Variants in SLA observed in about 807,000 individuals in gnomAD.
SLA encodes src-like-adapter.
Under a neutral mutation model 30.3 loss-of-function variants are expected in SLA, and 16 were observed. The ratio of observed to expected loss-of-function variants is 0.53; its 90% CI spans 0.36 to 0.80. The LOEUF is 0.80. Ranked by LOEUF, SLA falls within the 30% of genes least tolerant of loss-of-function variation. SLA has a pLI of 0.01. For missense variants in SLA, 310 were observed against 345.2 expected (o/e 0.90, Z 0.81); for synonymous variants, 143 against 137.8 (o/e 1.04, Z -0.26).
In SLA at chr8:133,057,781, A is replaced by C. The variant is rs10087332; in HGVS notation, c.61+2319T>G. 7.6e-3 allele frequency among the ~76,000 whole-genome samples: 1,161 copies of C among 152,004 alleles called. 19 individuals are homozygous for C. The highest frequency in any genetic ancestry group is 0.024 in the African/African-American group (985 of 41,440). ...GTTTAGCAAAACAAAAAACAAAAAA[A>C]AAAAAACAAAAAAACAGATGGGTAA... On this transcript the variant is annotated intron_variant, in intron 3 of 8. Coordinates refer to ENST00000338087, the MANE Select transcript of SLA (RefSeq NM_001045556.3).
chr8:133,092,807 T>C (rs748088044), intron 1 of SLA, among the ~76,000 whole-genome samples: 14 of 152,180 alleles, frequency 9.2e-5, no homozygotes, highest in Non-Finnish European at 2.1e-4. Flanking sequence ...GAGTCAACCG[T>C]TGGCTTGCGT....
intron 5 of SLA, chr8:133,049,309 T>A (rs1840002905): frequency 2.7e-6 from 1 of 377,352 alleles, no homozygotes; most frequent in African/African-American, 2.1e-5. Context: ...GGATTCTGTG[T>A]GTTTCTGGAT....
At chr8:133,091,987 C>T (rs1033343960) in intron 1 of SLA, among the ~76,000 whole-genome samples, 1 of 152,040 alleles carries the variant, frequency 6.6e-6, no homozygotes, top group Non-Finnish European at 1.5e-5. Flanking sequence ...ATGTCTCTGT[C>T]AGTGTCTGTG....
intron 2 of SLA, among the ~76,000 whole-genome samples, chr8:133,065,895 C>T (rs1458393743): frequency 2.6e-5 from 4 of 152,138 alleles, no homozygotes. Flanking sequence ...TCTTGGATGT[C>T]ACTTGGCAGT....
At chr8:133,057,405 A>G (rs553458544) in intron 3 of SLA, among the ~76,000 whole-genome samples, 5 of 152,390 alleles carry the variant, frequency 3.3e-5, no homozygotes, top group South Asian at 4.1e-4. Context: ...AAAGCAAATT[A>G]CAGAACTACC....
intron 5 of SLA, chr8:133,048,502 T>A (rs910077862): frequency 1.3e-5 from 2 of 155,688 alleles, no homozygotes; most frequent in South Asian, 1.9e-4. Context: ...ATTACAGGCG[T>A]GAGCTACCGT....
At chr8:133,070,550 C>T (rs952265231) in intron 2 of SLA, among the ~76,000 whole-genome samples, 1 of 152,176 alleles carries the variant, frequency 6.6e-6, no homozygotes, top group Non-Finnish European at 1.5e-5. Context: ...ACAGCTAGCT[C>T]AGGGCTGGGG....
intron 1 of SLA, among the ~76,000 whole-genome samples, chr8:133,094,182 A>C (rs1365829148): frequency 6.6e-6 from 1 of 151,932 alleles, no homozygotes; most frequent in Non-Finnish European, 1.5e-5. Context: ...GGCAGAGATG[A>C]ACTTCCTGGA....
In SLA at chr8:133,069,603, C is replaced by T. The variant is rs1416540908; in HGVS notation, c.-41+5250G>A. On this transcript the variant is annotated intron_variant, in intron 2 of 8. Transcript: ENST00000338087. ...GACTGAGTGGTGAGTGACCGTCTCC[C>T]CTACTGGACTATAAGTGCCTTGAGA... is the stretch of plus-strand genomic sequence containing the variant. Among the ~76,000 whole-genome samples, 5 of 152,268 alleles carry T rather than the reference C, an allele frequency of 3.3e-5. 1 individual carries two copies. In the East Asian group the frequency reaches 7.7e-4, roughly 23 times the overall value.
chr8:133,042,881 A>G (rs1053157616), intron 7 of SLA, among the ~76,000 whole-genome samples: 1 of 151,610 alleles, frequency 6.6e-6, no homozygotes, highest in Non-Finnish European at 1.5e-5. Context: ...TTTAGTGCAG[A>G]CAGGGTTTCA....
intron 1 of SLA, among the ~76,000 whole-genome samples, chr8:133,099,363 G>A (rs765107085): frequency 6.6e-6 from 1 of 152,192 alleles, no homozygotes; most frequent in Non-Finnish European, 1.5e-5. Context: ...ATCCTGCCAA[G>A]AACTCATCTA....
intron 1 of SLA, among the ~76,000 whole-genome samples, chr8:133,093,198 T>C (rs933090746): frequency 2.0e-5 from 3 of 151,706 alleles, no homozygotes; most frequent in African/African-American, 7.3e-5. Context: ...GCCCTGCTCA[T>C]TGTTGGAAAA....
At chr8:133,043,156 G>C (rs1838634550) in intron 7 of SLA, among the ~76,000 whole-genome samples, 1 of 152,132 alleles carries the variant, frequency 6.6e-6, no homozygotes, top group African/African-American at 2.4e-5. Flanking sequence ...CGATGACCAG[G>C]AACATACTGC....
At chr8:133,051,756 AG>A (rs1307318434) in intron 3 of SLA, among the ~76,000 whole-genome samples, 5 of 152,232 alleles carry the variant, frequency 3.3e-5, no homozygotes, top group Non-Finnish European at 7.3e-5. Flanking sequence ...CATTAGATGC[AG>A]GGTAATATTT....
intron 1 of SLA, among the ~76,000 whole-genome samples, chr8:133,082,519 C>A (rs984020567): frequency 6.6e-6 from 1 of 152,170 alleles, no homozygotes; most frequent in Admixed American, 6.5e-5. Context: ...TCCTGATAAT[C>A]GACTAGCTTG....
intron 2 of SLA, among the ~76,000 whole-genome samples, chr8:133,067,019 G>T (rs1171083076): frequency 6.6e-6 from 1 of 152,176 alleles, no homozygotes; most frequent in Non-Finnish European, 1.5e-5. Flanking sequence ...CGCCGTGACT[G>T]TACCCAGTAC....
rs1841985281 is a variant in SLA at position 133,059,122 on chromosome 8, A to G, written c.61+978T>C. The G allele has an allele frequency of 6.6e-6, 3 of 456,196 alleles. No individual in the cohort carries two copies. In the Admixed American group the frequency reaches 7.0e-5, roughly 11 times the overall value. The allele number at this position is 456,196 out of a possible 1,614,324, so 28.3% of individuals were successfully genotyped here. A position where few individuals can be genotyped will look rare whatever the true frequency, so the allele number is the denominator to read the frequency against. ...CCCTGTCAGGCTCGGCAGACAGGGC[A>G]GCCATCTGCGCCAGTGAACTCCGCC... On this transcript the variant is annotated intron_variant, in intron 3 of 8. Transcript: ENST00000338087.
intron 1 of SLA, among the ~76,000 whole-genome samples, chr8:133,099,132 C>T (rs1223329518): frequency 6.6e-6 from 1 of 152,238 alleles, no homozygotes; most frequent in Non-Finnish European, 1.5e-5. Flanking sequence ...GAGAAGCCAG[C>T]ATTGAAGTTG....
intron 2 of SLA, chr8:133,072,949 TA>T (rs1269243498): frequency 6.6e-6 from 1 of 152,258 alleles, no homozygotes; most frequent in Non-Finnish European, 1.5e-5. Flanking sequence ...TAACACTGTT[TA>T]TTAATAGCTT....
Sources: gnomAD v4.1 joint callset for allele counts (sites outside exome capture counted in the v4.1 genomes callset) on GRCh38, gnomAD v4.1.1 for gene constraint, MANE v1.5 for transcripts, NCBI Gene and HGNC (gene_info 2026-07-23, HGNC 2026-07-21) for gene names.